Variants in EPB41L3 observed in about 807,000 individuals in gnomAD.
The protein encoded by EPB41L3 is band 4.1-like protein 3.
A neutral mutation model predicts 127.1 loss-of-function variants in EPB41L3; 57 were observed. The observed-to-expected ratio is 0.45, with a 90% CI of 0.36 to 0.56. EPB41L3 has a LOEUF of 0.56. Ranked by LOEUF, EPB41L3 falls within the 20% of genes least tolerant of loss-of-function variation. The pLI is 0.00. For missense variants in EPB41L3, 1,273 were observed against 1,372.2 expected (o/e 0.93, Z 1.14); for synonymous variants, 572 against 549.5 (o/e 1.04, Z -0.57).
In EPB41L3 at chr18:5,489,862, T is replaced by C. The variant is rs527589940; in HGVS notation, c.-11-668A>G. 2.6e-5 allele frequency among the ~76,000 whole-genome samples: 4 copies of C among 152,312 alleles called. No homozygotes were observed. The South Asian group carries it at 8.3e-4, about 32-fold the overall frequency. On this transcript the variant is annotated intron_variant, in intron 1 of 22. Coordinates refer to ENST00000341928, the MANE Select transcript of EPB41L3 (RefSeq NM_012307.5). ...TCATCTTCTTCCTGGCTTCCCCCTA[T>C]TTCCATTGAGTGTTGAAAGGTAAAT...
chr18:5,502,952 C>A (rs1041269846), intron 1 of EPB41L3, among the ~76,000 whole-genome samples: 7 of 152,148 alleles, frequency 4.6e-5, no homozygotes, highest in African/African-American at 1.4e-4. Flanking sequence ...GCAGATCAAG[C>A]CCACGGTTTT....
chr18:5,454,635 T>C (rs1476314917), intron 3 of EPB41L3, among the ~76,000 whole-genome samples: 1 of 152,238 alleles, frequency 6.6e-6, no homozygotes, highest in Non-Finnish European at 1.5e-5. Context: ...TTTAAATTCA[T>C]GAGCAATCAG....
chr18:5,430,896 C>A (rs1220166296), intron 8 of EPB41L3, among the ~76,000 whole-genome samples: 2 of 152,060 alleles, frequency 1.3e-5, no homozygotes, highest in African/African-American at 4.8e-5. Context: ...AACAGGATTT[C>A]TTAAGGACAT....
chr18:5,443,168 A>G (rs1287829698), intron 5 of EPB41L3, among the ~76,000 whole-genome samples: 2 of 152,204 alleles, frequency 1.3e-5, no homozygotes, highest in African/African-American at 2.4e-5. Context: ...TTAAATTTTA[A>G]TATTGACAAT....
intron 1 of EPB41L3, among the ~76,000 whole-genome samples, chr18:5,495,094 T>C (rs546088920): frequency 1.3e-5 from 2 of 152,300 alleles, no homozygotes; most frequent in East Asian, 3.9e-4. Context: ...CATTATTAAA[T>C]ATCTTCAAAA....
At position 5,416,197 on chromosome 18, in the gene EPB41L3, C is replaced by T; in HGVS notation, c.1688G>A (p.Arg563Lys). Reference sequence around the variant, plus strand: ...CACATCTTGATCCCCTAGGTAAGGCCTCCCTGGGCCATCAGAGTCCAAGGC... The same window carrying T: ...CACATCTTGATCCCCTAGGTAAGGCTTCCCTGGGCCATCAGAGTCCAAGGC... ...EPALDSDGPG[R>K]PYLGDQDVAF... The change falls in exon 13 of 23, where the codon AGG becomes AAG. Residue 563 changes from arginine to lysine, a missense_variant. By Grantham distance (26) the Arg-to-Lys change is conservative. Around this residue, in one of 3 missense-constraint regions of EPB41L3, gnomAD observed 765 missense variants for 782.9 expected, o/e 0.98. Coordinates refer to ENST00000341928, the MANE Select transcript of EPB41L3 (RefSeq NM_012307.5). 6.2e-7 allele frequency: 1 copy of T among 1,614,162 alleles called. No individual in the cohort carries two copies. Among genetic ancestry groups the T allele is most frequent in the South Asian group, 1.1e-5 (1 of 91,084 alleles).
At chr18:5,465,169 C>T (rs561342280) in intron 3 of EPB41L3, among the ~76,000 whole-genome samples, 1 of 152,340 alleles carries the variant, frequency 6.6e-6, no homozygotes, top group Non-Finnish European at 1.5e-5. Context: ...CCCACATTTT[C>T]CGGCTCACCT....
chr18:5,432,510 T>A (rs1275144726), intron 8 of EPB41L3, among the ~76,000 whole-genome samples: 1 of 152,172 alleles, frequency 6.6e-6, no homozygotes, highest in Non-Finnish European at 1.5e-5. Context: ...TGCTAATGCA[T>A]CAGAATCCAA....
intron 3 of EPB41L3, among the ~76,000 whole-genome samples, chr18:5,466,570 A>T (rs900683404): frequency 2.0e-4 from 31 of 152,164 alleles, no homozygotes; most frequent in African/African-American, 7.5e-4. Flanking sequence ...TCACATACAC[A>T]TTTTACAGGG....
intron 8 of EPB41L3, among the ~76,000 whole-genome samples, chr18:5,432,992 T>TGA (rs1225820593): frequency 1.3e-5 from 2 of 152,196 alleles, no homozygotes; most frequent in African/African-American, 4.8e-5. Flanking sequence ...ATGTGATGCT[T>TGA]GAGTCTTGGA....
Position 5,415,984 on chromosome 18 carries a change from G to A in EPB41L3, c.1901C>T (p.Pro634Leu), listed in dbSNP as rs2076757552. The A allele has an allele frequency of 1.9e-6, 3 of 1,613,998 alleles. No individual in the cohort carries two copies. The highest frequency in any genetic ancestry group is 2.7e-5 in the African/African-American group (2 of 74,886). ...AAAGAAAAAGATGAAGAGGAAACAG[G>A]GCACAAGGGACGGTGAGCGGATCGG... is the stretch of plus-strand genomic sequence containing the variant. ...YLPIRSPSLV[P>L]CFLFIFFFLL... Residue 634 changes from proline (P) to leucine (L), a missense_variant, in exon 13 of 23, where the codon CCC becomes CTC. Coordinates refer to ENST00000341928, the MANE Select transcript of EPB41L3 (RefSeq NM_012307.5).
chr18:5,544,338 C>T (rs2093839661), upstream of EPB41L3: 3 of 985,020 alleles, frequency 3.0e-6, no homozygotes, highest in South Asian at 9.4e-5. Context: ...CCCAGACATC[C>T]CCTGTGAGAA....
intron 16 of EPB41L3, among the ~76,000 whole-genome samples, chr18:5,402,359 G>C (rs1016988670): frequency 6.6e-6 from 1 of 151,518 alleles, no homozygotes; most frequent in African/African-American, 2.4e-5. Context: ...CAAAATTATA[G>C]GTACTTTTCA....
intron 1 of EPB41L3, among the ~76,000 whole-genome samples, chr18:5,529,405 C>G (rs548120028): frequency 3.9e-5 from 6 of 152,192 alleles, no homozygotes; most frequent in East Asian, 1.9e-4. Context: ...CCAGGTCCCC[C>G]CTCTGTGCGC....
chr18:5,627,088 G>C (rs1054005625), intron 1 of EPB41L3, among the ~76,000 whole-genome samples: 1 of 152,150 alleles, frequency 6.6e-6, no homozygotes, highest in Non-Finnish European at 1.5e-5. Flanking sequence ...GTCTGTTTAC[G>C]CAGTGCTCCA....
chr18:5,585,884 T>G (rs1164845281), intron 3 of EPB41L3, among the ~76,000 whole-genome samples: 2 of 152,126 alleles, frequency 1.3e-5, no homozygotes, highest in African/African-American at 4.8e-5. Flanking sequence ...GCCAGTGGCT[T>G]CATCCCTCTG....
At chr18:5,452,136 G>T (rs1186519082) in intron 3 of EPB41L3, among the ~76,000 whole-genome samples, 1 of 152,100 alleles carries the variant, frequency 6.6e-6, no homozygotes, top group Non-Finnish European at 1.5e-5. Context: ...GAGCCACCAC[G>T]CCTGGCTGAC....
intron 3 of EPB41L3, among the ~76,000 whole-genome samples, chr18:5,460,692 G>A (rs1287363126): frequency 6.6e-6 from 1 of 152,174 alleles, no homozygotes; most frequent in Non-Finnish European, 1.5e-5. Flanking sequence ...GCAGTAGAGA[G>A]TTTAATCTTA....
At chr18:5,483,768 T>C (rs970482881) in intron 2 of EPB41L3, among the ~76,000 whole-genome samples, 5 of 151,586 alleles carry the variant, frequency 3.3e-5, no homozygotes, top group Non-Finnish European at 4.4e-5. Context: ...AGCAAGAAGA[T>C]GAAACAATTA....
Sources: allele counts gnomAD v4.1 joint callset (sites outside exome capture counted in the v4.1 genomes callset), GRCh38; gene constraint gnomAD v4.1.1; regional missense constraint gnomAD v4.1.1; transcripts MANE v1.5; gene names NCBI Gene and HGNC (gene_info 2026-07-23, HGNC 2026-07-21).